Variants in SDR39U1 observed in about 807,000 individuals in gnomAD.
SDR39U1 encodes the protein short chain dehydrogenase/reductase family 39U member 1.
A neutral mutation model predicts 31.7 loss-of-function variants in SDR39U1; 29 were observed. The observed-to-expected ratio is 0.92, with a 90% confidence interval of 0.68 to 1.25. The LOEUF is 1.25. Ranked by LOEUF, SDR39U1 falls within the 50% of genes most tolerant of loss-of-function variation. SDR39U1 has a pLI of 0.00. For missense variants in SDR39U1, 403 were observed against 378.4 expected, an observed-to-expected ratio of 1.06 and a Z score of -0.54; for synonymous variants, 147 against 159.0, an observed-to-expected ratio of 0.92 and a Z score of 0.57.
Position 24,440,217 on chromosome 14 carries a change from G to C in SDR39U1, c.748C>G (p.Gln250Glu), listed in dbSNP as rs1157260881. 2 of 1,614,002 alleles carry C rather than the reference G, an allele frequency of 1.2e-6. No individual in the cohort carries two copies. Among genetic ancestry groups the C allele is most frequent in the Admixed American group, 3.3e-5 (2 of 60,028 alleles). The stretch of plus-strand genomic sequence containing the variant: ...GCACGCTGTCGCCCAAAGACAGCTT[G>C]CACCACAGCGCTGGGGAGAGGGATG... The part of the protein sequence containing the change: ...AFIPLPSAVV[Q>E]AVFGRQRAIM... The change falls in exon 6 of 6, where the codon CAA becomes GAA. Residue 250 changes from glutamine to glutamate, a missense_variant. Physicochemically the swap from Gln to Glu is conservative, Grantham distance 29 (BLOSUM62 2). Coordinates refer to ENST00000399395, the MANE Select transcript of SDR39U1 (RefSeq NM_020195.3).
Position 24,439,946 on chromosome 14 carries a change from C to T in SDR39U1, c.*137G>A. On this transcript the variant is annotated 3_prime_UTR_variant, in exon 6 of 6. Coordinates refer to ENST00000399395, the MANE Select transcript of SDR39U1 (RefSeq NM_020195.3). ...GCCTTGAGACAATAAGGTGGAGCAA[C>T]AGAACAATGGGAAAGAGGACTGGGA... is the stretch of plus-strand genomic sequence containing the variant. The T allele has an allele frequency of 1.5e-6, 1 of 687,182 alleles. No individual in the cohort carries two copies. Among genetic ancestry groups the T allele is most frequent in the Non-Finnish European group, 2.4e-6 (1 of 419,768 alleles). 42.6% of individuals were successfully genotyped at this position (687,182 alleles called of 1,614,324 possible). A position where few individuals can be genotyped will look rare whatever the true frequency, so the allele number is the denominator to read the frequency against.
chr14:24,439,788 T>C lies in SDR39U1; in HGVS notation c.*295A>G, dbSNP rs907234520. ...AGGTTAGTGAGACAATTTATTTTTA[T>C]TGCCTAAACTGCAGAGCATTCTCTA... is the stretch of plus-strand genomic sequence containing the variant. On this transcript the variant is annotated 3_prime_UTR_variant, in exon 6 of 6. Coordinates refer to ENST00000399395, the MANE Select transcript of SDR39U1 (RefSeq NM_020195.3). 2 of 274,304 alleles carry C rather than the reference T, an allele frequency of 7.3e-6. No homozygotes were observed. The highest frequency in any genetic ancestry group is 4.4e-5 in the African/African-American group (2 of 45,604). 17.0% of individuals were successfully genotyped at this position (274,304 alleles called of 1,614,324 possible). A position where few individuals can be genotyped will look rare whatever the true frequency, so the allele number is the denominator to read the frequency against.
intron 3 of SDR39U1, 68 bp downstream of exon 3, chr14:24,442,110 G>A (rs776974694): frequency 2.7e-5 from 43 of 1,565,176 alleles, no homozygotes; most frequent in Non-Finnish European, 3.6e-5. Context: ...ATAGCTCACA[G>A]GTTCTCATCA....
rs201317227 is a variant in SDR39U1, at chr14:24,440,380, G to A, written c.585C>T (p.Ile195=). 2.7e-5 allele frequency: 43 copies of A among 1,613,964 alleles called. No homozygotes were observed. In the African/African-American group the frequency reaches 4.0e-4, roughly 15 times the overall value. The change falls in exon 6 of 6, where the codon ATC becomes ATT. Residue 195 remains isoleucine (I), a synonymous_variant. Coordinates refer to ENST00000399395, the MANE Select transcript of SDR39U1 (RefSeq NM_020195.3). The part of the protein sequence containing the change: ...SGHQFFPWIH[I]GDLAGILTHA... ...GGGTCAGGATTCCTGCCAGGTCCCCGATGTGTATCCAGGGGAAGAATTGGT... is the reference window on the plus strand; with the variant it reads ...GGGTCAGGATTCCTGCCAGGTCCCCAATGTGTATCCAGGGGAAGAATTGGT...
Position 24,440,349 on chromosome 14 carries a change from G to C in SDR39U1, c.616C>G (p.Leu206Val). 2 of 1,614,046 alleles carry C rather than the reference G, an allele frequency of 1.2e-6. No homozygotes were observed. ...GDLAGILTHA[L>V]EANHVHGVLN... ...ACCCCGTGCACGTGGTTTGCTTCAA[G>C]GGCATGGGTCAGGATTCCTGCCAGG... Residue 206 changes from leucine (L) to valine (V), a missense_variant, in exon 6 of 6, where the codon CTT becomes GTT. Leu to Val is a conservative substitution (Grantham distance 32). Coordinates refer to ENST00000399395, the MANE Select transcript of SDR39U1 (RefSeq NM_020195.3).
intron 4 of SDR39U1, 107 bp downstream of exon 4, chr14:24,441,567 C>A: frequency 1.1e-6 from 1 of 935,790 alleles, no homozygotes; most frequent in South Asian, 1.9e-5. Context: ...CCTAGGAAGT[C>A]ATTTTGCCTG....
At chr14:24,442,026 G>C (rs977935231) in intron 3 of SDR39U1, 152 bp downstream of exon 3, 24 of 1,504,162 alleles carry the variant, frequency 1.6e-5, no homozygotes, top group South Asian at 3.6e-5. Flanking sequence ...AGGAGCAGGT[G>C]GGGGTGGAGG....
At position 24,442,440 on chromosome 14, in the gene SDR39U1, C is replaced by T. The variant is rs771399088; in HGVS notation, c.29G>A (p.Gly10Asp). Reference protein sequence around the residue: MRVLVGGGTGFIGTALTQLL... With the variant: MRVLVGGGTDFIGTALTQLL... Reference sequence around the variant, plus strand: ...CTGGGTTAGGGCTGTCCCAATGAAGCCTGTCCCGCCACCTGATCGGAAAAT... The same window carrying T: ...CTGGGTTAGGGCTGTCCCAATGAAGTCTGTCCCGCCACCTGATCGGAAAAT... The change falls in exon 2 of 6, where the codon GGC (glycine) becomes GAC (aspartate). Residue 10 changes from glycine to aspartate, a missense_variant. Coordinates refer to ENST00000399395, the MANE Select transcript of SDR39U1 (RefSeq NM_020195.3). 1.2e-5 allele frequency: 20 copies of T among 1,606,098 alleles called. No homozygotes were observed. The South Asian group carries it at 1.6e-4, about 13-fold the overall frequency.
rs2043375334 is a variant in SDR39U1 at position 24,442,374 on chromosome 14, C to CG, written c.94dup (p.Arg32ProfsTer12). ...CGTGATCCGGCCGGGCCCGGGCTTT[C>CG]GGGAGACCAACGTCACTTCGTGGCC... On this transcript the variant is annotated frameshift_variant, in exon 2 of 6. Coordinates refer to ENST00000399395, the MANE Select transcript of SDR39U1 (RefSeq NM_020195.3). LOFTEE classifies it high-confidence loss of function. The CG allele has an allele frequency of 6.2e-7, 1 of 1,611,822 alleles. No individual in the cohort carries two copies. The highest frequency in any genetic ancestry group is 2.2e-5 in the East Asian group (1 of 44,824).
At position 24,442,361 on chromosome 14, in the gene SDR39U1, G is replaced by A. The variant is rs776530021; in HGVS notation, c.108C>T (p.Pro36=). The change falls in exon 2 of 6, where the codon CCC becomes CCT. Residue 36 remains proline, a synonymous_variant. Coordinates refer to ENST00000399395, the MANE Select transcript of SDR39U1 (RefSeq NM_020195.3). ...ATGGACTTACCCACGTGATCCGGCC[G>A]GGCCCGGGCTTTCGGGAGACCAACG... is the stretch of plus-strand genomic sequence containing the variant. ...EVTLVSRKPG[P]GRITWDELAA... is the part of the protein sequence containing the mutation. 20 of 1,611,244 alleles carry A rather than the reference G, an allele frequency of 1.2e-5. No individual in the cohort carries two copies. The highest frequency in any genetic ancestry group is 4.4e-5 in the South Asian group (4 of 90,446).
intron 4 of SDR39U1, chr14:24,441,203 CATTT>C: frequency 3.8e-6 from 2 of 529,764 alleles, no homozygotes; most frequent in Non-Finnish European, 6.8e-6. Flanking sequence ...TCAGCTCCCT[CATTT>C]ATTAACTCTC....
chr14:24,442,763 C>G lies in SDR39U1; in HGVS notation c.7G>C (p.Val3Leu). MRVLVGGGTGFIG... is the reference protein window; with the variant it reads MRLLVGGGTGFIG... The stretch of plus-strand genomic sequence containing the variant: ...TTCTGCCCTCCCTCACCCACAAGCA[C>G]ACGCATAGCGACTAGGACCTAACGC... Residue 3 changes from valine to leucine, a missense_variant, in exon 1 of 6, where the codon GTG becomes CTG. Physicochemically the swap from Val to Leu is conservative, Grantham distance 32. Transcript: ENST00000399395. 6.2e-7 allele frequency: 1 copy of G among 1,614,074 alleles called. No homozygotes were observed. Among genetic ancestry groups the G allele is most frequent in the Non-Finnish European group, 8.5e-7 (1 of 1,179,900 alleles).
intron 3 of SDR39U1, 168 bp from the exon 4 acceptor site, chr14:24,441,963 C>T (rs11158705): frequency 0.88 from 1,177,202 of 1,340,402 alleles, 522,391 homozygotes; most frequent in Non-Finnish European, 0.9. Flanking sequence ...CATTCATTTC[C>T]TGGGCATCCT....
rs1233409491 is a variant in SDR39U1, at chr14:24,439,769, G to A, written c.*314C>T. On this transcript the variant is annotated 3_prime_UTR_variant, in exon 6 of 6. Coordinates refer to ENST00000399395, the MANE Select transcript of SDR39U1 (RefSeq NM_020195.3). ...AGGCCAAAGAGATGAGCCAAGGTTA[G>A]TGAGACAATTTATTTTTATTGCCTA... The A allele has an allele frequency of 8.6e-6, 2 of 232,264 alleles. No individual in the cohort carries two copies. The highest frequency in any genetic ancestry group is 9.0e-5 in the East Asian group (1 of 11,072). The allele number at this position is 232,264 out of a possible 1,614,324, so 14.4% of individuals were successfully genotyped here.
rs1044205360 is a variant in SDR39U1 at position 24,442,679 on chromosome 14, C to T, written c.16+75G>A. 1.9e-6 allele frequency: 3 copies of T among 1,582,158 alleles called. No individual in the cohort carries two copies. In the African/African-American group the frequency reaches 4.0e-5, roughly 21 times the overall value. On this transcript the variant is annotated intron_variant, in intron 1 of 5. Coordinates refer to ENST00000399395, the MANE Select transcript of SDR39U1 (RefSeq NM_020195.3). ...GGTTGCCTGTGCACTAGACAGTGCC[C>T]TCCCGGAAGCGGATTCCCAGTCCTC...
At chr14:24,441,290 C>A (rs1299006542) in intron 4 of SDR39U1, 1 of 446,940 alleles carries the variant, frequency 2.2e-6, no homozygotes, top group South Asian at 2.2e-5. Context: ...ATAGTACCTA[C>A]CTCATAGGGT....
chr14:24,440,576 C>T (rs752471546), intron 5 of SDR39U1, 84 bp from the exon 6 acceptor site: 2 of 1,481,354 alleles, frequency 1.4e-6, no homozygotes, highest in Non-Finnish European at 1.8e-6. Flanking sequence ...TTTCCCCTTC[C>T]TCACTCTCCC....
chr14:24,441,709 T>C lies in SDR39U1; in HGVS notation c.293A>G (p.Gln98Arg). The part of the protein sequence containing the change: ...LLAKAITKAP[Q>R]PPKAWVLVTG... ...GACTAAGACCCAGGCCTTGGGGGGT[T>C]GTGGGGCTTTGGTGATGGCTTTAGC... The change falls in exon 4 of 6, where the codon CAA becomes CGA. Residue 98 changes from glutamine to arginine, a missense_variant. Physicochemically the swap from Gln to Arg is conservative, Grantham distance 43. Coordinates refer to ENST00000399395, the MANE Select transcript of SDR39U1 (RefSeq NM_020195.3). 4 of 1,596,912 alleles carry C rather than the reference T, an allele frequency of 2.5e-6. No individual in the cohort carries two copies. Among genetic ancestry groups the C allele is most frequent in the African/African-American group, 2.7e-5 (2 of 73,696 alleles).
rs11625819 is a variant in SDR39U1, at chr14:24,441,767, T to G, written c.235A>C (p.Ile79Leu). Residue 79 changes from isoleucine (I) to leucine (L), a missense_variant, in exon 4 of 6, where the codon ATC becomes CTC. Coordinates refer to ENST00000399395, the MANE Select transcript of SDR39U1 (RefSeq NM_020195.3). ...TGGGTGGTCTCTAGGCGGCTGCCGA[T>G]TACCTCTTTTTGGAAGGTTTCATTC... ...RWNETFQKEV[I>L]GSRLETTQLL... 0.88 allele frequency: 1,409,653 copies of G among 1,600,802 alleles called. 626,541 individuals are homozygous for G. The highest frequency in any genetic ancestry group is 0.9 in the Non-Finnish European group (1,061,928 of 1,175,758).
Sources: gnomAD v4.1 joint callset for allele counts on GRCh38, gnomAD v4.1.1 for gene constraint, MANE v1.5 for transcripts, NCBI Gene and HGNC (gene_info 2026-07-23, HGNC 2026-07-21) for gene names.